The following PLPPR1 variants were observed in gnomAD, a reference collection of about 807,000 sequenced individuals.
PLPPR1 encodes phospholipid phosphatase related 1, also known as phospholipid phosphatase-related protein type 1.
Under a neutral mutation model 33.1 loss-of-function variants are expected in PLPPR1, and 10 were observed. That is an observed-to-expected ratio of 0.30 (90% CI 0.19 to 0.51). PLPPR1 has a LOEUF of 0.51. Ranked by LOEUF, PLPPR1 falls within the 20% of genes least tolerant of loss-of-function variation. The pLI, the probability that PLPPR1 is intolerant of heterozygous loss-of-function variation, is 0.97. For synonymous variants in PLPPR1, 151 were observed against 151.0 expected, an observed-to-expected ratio of 1.00 and a Z score of 0.00; for missense variants, 304 against 408.1, an observed-to-expected ratio of 0.74 and a Z score of 2.20.
chr9:101,277,558 A>G (rs1463941269), intron 3 of PLPPR1, among the ~76,000 whole-genome samples: 1 of 152,202 alleles, frequency 6.6e-6, no homozygotes, highest in African/African-American at 2.4e-5. Flanking sequence ...ACATGATTTC[A>G]GTTTCCCTTA....
chr9:101,140,114 GT>G (rs768012856), intron 1 of PLPPR1, among the ~76,000 whole-genome samples: 8 of 152,242 alleles, frequency 5.3e-5, no homozygotes, highest in Middle Eastern at 3.4e-3. Flanking sequence ...AACTAGAAAG[GT>G]ATCATTACTT....
rs141000552 is a variant in PLPPR1 at position 101,123,020 on chromosome 9, T to G, written c.-45-62430T>G. The stretch of plus-strand genomic sequence containing the variant: ...AGACCTGAATGTAACATCGGTATGG[T>G]AGATTCACCTGGGCTTGTGCCAAGG... On this transcript the variant is annotated intron_variant, in intron 1 of 7. Transcript: ENST00000374874. Among the ~76,000 whole-genome samples, 775 of 152,342 alleles carry G rather than the reference T, an allele frequency of 5.1e-3. 6 individuals carry two copies. The highest frequency in any genetic ancestry group is 8.3e-3 in the Non-Finnish European group (567 of 68,026).
intron 2 of PLPPR1, among the ~76,000 whole-genome samples, chr9:101,240,525 T>C (rs1827442905): frequency 6.6e-6 from 1 of 151,356 alleles, no homozygotes; most frequent in African/African-American, 2.5e-5. Flanking sequence ...TCTTCTAATC[T>C]ATTAGGATGA....
chr9:101,079,318 A>T (rs928782559), intron 1 of PLPPR1, among the ~76,000 whole-genome samples: 2 of 152,086 alleles, frequency 1.3e-5, no homozygotes, highest in Non-Finnish European at 2.9e-5. Flanking sequence ...TGTTTCCTGA[A>T]ATTCATTATT....
chr9:101,274,713 G>A (rs894379284), intron 3 of PLPPR1, among the ~76,000 whole-genome samples: 2 of 152,062 alleles, frequency 1.3e-5, no homozygotes, highest in African/African-American at 4.8e-5. Flanking sequence ...GCCCACCTCA[G>A]CACACACTCC....
chr9:101,199,456 C>A (rs897743185), intron 2 of PLPPR1, among the ~76,000 whole-genome samples: 1 of 152,118 alleles, frequency 6.6e-6, no homozygotes, highest in Non-Finnish European at 1.5e-5. Flanking sequence ...GTCCTATTTT[C>A]CCCATAAATT....
chr9:101,247,354 G>C (rs371933213), intron 2 of PLPPR1, among the ~76,000 whole-genome samples: 1 of 151,922 alleles, frequency 6.6e-6, no homozygotes, highest in African/African-American at 2.4e-5. Context: ...CCTTCCTCAG[G>C]CTTCTAGATG....
At chr9:101,175,246 A>G (rs1371775078) in intron 1 of PLPPR1, among the ~76,000 whole-genome samples, 1 of 152,144 alleles carries the variant, frequency 6.6e-6, no homozygotes, top group Non-Finnish European at 1.5e-5. Flanking sequence ...CTAGGGCTGC[A>G]TTATTATTTC....
intron 2 of PLPPR1, among the ~76,000 whole-genome samples, chr9:101,208,369 A>ATGGAAAATTTCCTGG (rs1826627515): frequency 3.3e-5 from 5 of 152,292 alleles, no homozygotes; most frequent in Admixed American, 3.3e-4. Context: ...TTTGTCAGTG[A>ATGGAAAATTTCCTGG]TGGAAAATTT....
Position 101,286,245 on chromosome 9 carries a change from A to G in PLPPR1, c.385+9A>G. The G allele has an allele frequency of 1.2e-6, 2 of 1,609,958 alleles. No individual in the cohort carries two copies. The highest frequency in any genetic ancestry group is 1.7e-6 in the Non-Finnish European group (2 of 1,178,310). ...GATCATAAGATTCACAGGTGAGTACAAGATGGTGCTGAACTAAGCTCTCAC... is the reference window on the plus strand; with the variant it reads ...GATCATAAGATTCACAGGTGAGTACGAGATGGTGCTGAACTAAGCTCTCAC... On this transcript the variant is annotated intron_variant, in intron 4 of 7. Transcript: ENST00000374874.
chr9:101,129,469 A>G (rs1408291986), intron 1 of PLPPR1, among the ~76,000 whole-genome samples: 5 of 152,086 alleles, frequency 3.3e-5, no homozygotes, highest in Admixed American at 3.3e-4. Context: ...CTACCCAAAA[A>G]CCTATCCACT....
In PLPPR1 at chr9:101,280,420, A is replaced by C. The variant is rs201509091; in HGVS notation, c.253-5684A>C. Among the ~76,000 whole-genome samples, 6 of 152,180 alleles carry C rather than the reference A, an allele frequency of 3.9e-5. No homozygotes were observed. The East Asian group carries it at 1.2e-3, about 29-fold the overall frequency. On this transcript the variant is annotated intron_variant, in intron 3 of 7. Transcript: ENST00000374874. ...TCTGCAAAATAGAGGAGCAAAGAAT[A>C]CTTCCAAACTTATTATATGAGGCCA...
At chr9:101,054,310 C>T (rs73656431) in intron 1 of PLPPR1, among the ~76,000 whole-genome samples, 364 of 152,210 alleles carry the variant, frequency 2.4e-3, no homozygotes, top group African/African-American at 8.6e-3. Flanking sequence ...AAACTTAATA[C>T]CCCAAGTAGC....
intron 2 of PLPPR1, among the ~76,000 whole-genome samples, chr9:101,223,418 TGTA>T (rs1450377966): frequency 1.3e-5 from 2 of 151,716 alleles, no homozygotes; most frequent in African/African-American, 4.8e-5. Context: ...AAATGGCAAA[TGTA>T]GTGTAAAATC....
intron 1 of PLPPR1, among the ~76,000 whole-genome samples, chr9:101,061,058 C>A (rs1231898071): frequency 6.6e-6 from 1 of 151,728 alleles, no homozygotes; most frequent in Non-Finnish European, 1.5e-5. Context: ...TGGAGGAAGC[C>A]CCCAGAATAC....
chr9:101,272,242 T>G (rs12341244), intron 3 of PLPPR1, among the ~76,000 whole-genome samples: 59,962 of 151,540 alleles, frequency 0.4, 11,793 homozygotes, highest in African/African-American at 0.43. Context: ...GCCAAAATAT[T>G]TCTCAAAAAA....
intron 2 of PLPPR1, among the ~76,000 whole-genome samples, chr9:101,232,802 C>T (rs1311814948): frequency 6.6e-6 from 1 of 151,978 alleles, no homozygotes; most frequent in African/African-American, 2.4e-5. Flanking sequence ...ACCTCAGTTT[C>T]CTCAATCAGT....
intron 1 of PLPPR1, among the ~76,000 whole-genome samples, chr9:101,183,669 C>G (rs2118713828): frequency 6.6e-6 from 1 of 150,920 alleles, no homozygotes; most frequent in East Asian, 2.0e-4. Flanking sequence ...AAATATACCT[C>G]ACTGTAGTTA....
intron 1 of PLPPR1, among the ~76,000 whole-genome samples, chr9:101,080,772 G>A (rs937115379): frequency 6.6e-6 from 1 of 152,102 alleles, no homozygotes; most frequent in Non-Finnish European, 1.5e-5. Context: ...TCAGTATGGG[G>A]CTTTGCACTC....
Sources: allele counts gnomAD v4.1 joint callset (sites outside exome capture counted in the v4.1 genomes callset), GRCh38; gene constraint gnomAD v4.1.1; transcripts MANE v1.5; gene names NCBI Gene and HGNC (gene_info 2026-07-23, HGNC 2026-07-21).